The following NFIB variants were observed in gnomAD, a reference collection of about 807,000 sequenced individuals.
The protein encoded by NFIB is nuclear factor I B, also known as nuclear factor 1 B-type.
In NFIB, 11 loss-of-function variants were observed where a neutral mutation model predicts 61.5. The observed-to-expected ratio is 0.18, with a 90% CI of 0.11 to 0.30. NFIB has a LOEUF of 0.30. Among genes scored for constraint, NFIB ranks in the 10% least tolerant of loss-of-function variants. NFIB has a pLI of 1.00. For missense variants in NFIB, 471 were observed against 608.9 expected (o/e 0.77, Z 2.38); for synonymous variants, 260 against 216.5 (o/e 1.20, Z -1.76).
chr9:14,165,269 C>G (rs2044653604), intron 3 of NFIB, among the ~76,000 whole-genome samples: 2 of 152,168 alleles, frequency 1.3e-5, no homozygotes, highest in Admixed American at 1.3e-4. Context: ...AGAACACTTT[C>G]TTATAAGCCT....
At chr9:14,412,466 T>C in the NFIB span, among the ~76,000 whole-genome samples, 1 of 152,206 alleles carries the variant, frequency 6.6e-6, no homozygotes, top group East Asian at 1.9e-4. Context: ...AGTGTTCAAA[T>C]TGGGTTATTC....
chr9:14,255,271 A>G (rs1373407496), intron 2 of NFIB, among the ~76,000 whole-genome samples: 2 of 152,190 alleles, frequency 1.3e-5, no homozygotes, highest in Non-Finnish European at 2.9e-5. Flanking sequence ...AACCATGAGG[A>G]GTTAACACTT....
intron 1 of NFIB, among the ~76,000 whole-genome samples, chr9:14,332,196 C>T (rs1187952340): frequency 6.6e-6 from 1 of 151,622 alleles, no homozygotes; most frequent in African/African-American, 2.4e-5. Context: ...AACTGGGCGT[C>T]GTGGTGGGCG....
chr9:14,098,343 AAG>A (rs1309989762), intron 10 of NFIB, among the ~76,000 whole-genome samples: 5 of 152,190 alleles, frequency 3.3e-5, no homozygotes, highest in African/African-American at 9.6e-5. Flanking sequence ...GAAGGGAGAG[AAG>A]AGAGAATGAA....
Position 14,116,366 on chromosome 9 carries a change from T to A in NFIB, c.1246-20A>T. On this transcript the variant is annotated intron_variant, in intron 8 of 10. Coordinates refer to ENST00000380953, the MANE Select transcript of NFIB (RefSeq NM_001190737.2). The stretch of plus-strand genomic sequence containing the variant: ...GTTAGGCTACAAAACAAAAACAGAA[T>A]GCCGGGTGAAGCAATCCAAAAGGCA... 6.7e-7 allele frequency: 1 copy of A among 1,482,668 alleles called. No homozygotes were observed. The highest frequency in any genetic ancestry group is 1.4e-5 in the African/African-American group (1 of 71,396). The allele number at this position is 1,482,668 out of a possible 1,614,324, so 91.8% of individuals were successfully genotyped here. A position where few individuals can be genotyped will look rare whatever the true frequency, so the allele number is the denominator to read the frequency against.
chr9:14,088,366 G>GA (rs1373015073), intron 10 of NFIB, 40 bp from the exon 11 acceptor site: 11 of 1,475,704 alleles, frequency 7.5e-6, no homozygotes, highest in East Asian at 2.4e-5. Context: ...GAAGAAAAAA[G>GA]AAAAAAATAC....
intron 1 of NFIB, among the ~76,000 whole-genome samples, chr9:14,353,028 G>A (rs2061132543): frequency 6.6e-6 from 1 of 152,132 alleles, no homozygotes; most frequent in Non-Finnish European, 1.5e-5. Flanking sequence ...TTCTGCTGGA[G>A]GGCACACAGA....
chr9:14,460,480 C>T, the NFIB span, among the ~76,000 whole-genome samples: 3 of 151,974 alleles, frequency 2.0e-5, no homozygotes, highest in Non-Finnish European at 2.9e-5. Context: ...AACAAACCTG[C>T]ACGTTGTGCA....
At chr9:14,520,153 G>GA in the NFIB span, among the ~76,000 whole-genome samples, 5 of 151,834 alleles carry the variant, frequency 3.3e-5, no homozygotes, top group African/African-American at 9.7e-5. Context: ...AAATTTCAGG[G>GA]AAAAAAATAA....
chr9:14,221,340 A>G (rs1018925372), intron 2 of NFIB, among the ~76,000 whole-genome samples: 3 of 152,244 alleles, frequency 2.0e-5, no homozygotes, highest in South Asian at 2.1e-4. Flanking sequence ...TGACACAGAA[A>G]TCATAAGAAC....
At chr9:14,259,081 T>A (rs1477329874) in intron 2 of NFIB, among the ~76,000 whole-genome samples, 5 of 152,226 alleles carry the variant, frequency 3.3e-5, no homozygotes, top group Admixed American at 3.3e-4. Flanking sequence ...CATAAGCACA[T>A]AAGGCTCGTG....
At position 14,303,934 on chromosome 9, in the gene NFIB, T is replaced by C. The variant is rs538619875; in HGVS notation, c.562+3055A>G. Among the ~76,000 whole-genome samples the C allele has an allele frequency of 2.6e-5, 4 of 152,330 alleles. No individual in the cohort carries two copies. In the South Asian group the frequency reaches 6.2e-4, roughly 24 times the overall value. On this transcript the variant is annotated intron_variant, in intron 2 of 10. Coordinates refer to ENST00000380953, the MANE Select transcript of NFIB (RefSeq NM_001190737.2). ...TGAAGTGCAGGGAGACATTTAATTT[T>C]ATAAACAACTATATTGAACATCAGC... is the stretch of plus-strand genomic sequence containing the variant.
At position 14,291,126 on chromosome 9, in the gene NFIB, G is replaced by T. The variant is rs974661517; in HGVS notation, c.562+15863C>A. On this transcript the variant is annotated intron_variant, in intron 2 of 10. Transcript: ENST00000380953. ...TCTTTGCCTTATTCCAGAGTCTCTT[G>T]ATATACATAAGCACACACAGGGCAT... Among the ~76,000 whole-genome samples, 21 of 152,114 alleles carry T rather than the reference G, an allele frequency of 1.4e-4. 1 individual carries two copies. The highest frequency in any genetic ancestry group is 4.8e-4 in the African/African-American group (20 of 41,524).
At chr9:14,145,491 A>G (rs1323139144) in intron 6 of NFIB, among the ~76,000 whole-genome samples, 1 of 152,072 alleles carries the variant, frequency 6.6e-6, no homozygotes, top group Non-Finnish European at 1.5e-5. Context: ...AAAAAATTTG[A>G]GCAGCAAAGA....
intron 2 of NFIB, among the ~76,000 whole-genome samples, chr9:14,193,212 C>G (rs541019444): frequency 1.3e-5 from 2 of 151,628 alleles, no homozygotes; most frequent in Admixed American, 6.6e-5. Context: ...ACCCATCCAT[C>G]CAAGTTTACT....
chr9:14,498,983 G>A, the NFIB span, among the ~76,000 whole-genome samples: 1 of 151,908 alleles, frequency 6.6e-6, no homozygotes, highest in Non-Finnish European at 1.5e-5. Flanking sequence ...GGAAGTCATT[G>A]GCAATTGTGT....
At chr9:14,182,162 G>A (rs1048242900) in intron 2 of NFIB, among the ~76,000 whole-genome samples, 11 of 152,008 alleles carry the variant, frequency 7.2e-5, no homozygotes, top group African/African-American at 2.4e-4. Context: ...CAACTTCTTC[G>A]ATTGAAAAAA....
At chr9:14,158,836 A>T (rs1395371609) in intron 3 of NFIB, among the ~76,000 whole-genome samples, 1 of 152,240 alleles carries the variant, frequency 6.6e-6, no homozygotes, top group Non-Finnish European at 1.5e-5. Flanking sequence ...TGTAATGTCA[A>T]GCATTTAATA....
intron 2 of NFIB, among the ~76,000 whole-genome samples, chr9:14,211,893 G>C (rs773628211): frequency 1.3e-5 from 2 of 152,202 alleles, no homozygotes; most frequent in Non-Finnish European, 2.9e-5. Flanking sequence ...AGAAAGAATA[G>C]ACATTTAAAA....
Sources: gnomAD v4.1 joint callset for allele counts (sites outside exome capture counted in the v4.1 genomes callset) on GRCh38, gnomAD v4.1.1 for gene constraint, MANE v1.5 for transcripts, NCBI Gene and HGNC (gene_info 2026-07-23, HGNC 2026-07-21) for gene names.